The following WWC2 variants were observed in gnomAD, a reference collection of about 807,000 sequenced individuals.
WWC2 encodes protein WWC2.
Under a neutral mutation model 138.5 loss-of-function variants are expected in WWC2, and 101 were observed. The ratio of observed to expected loss-of-function variants is 0.73; its 90% CI spans 0.62 to 0.86. The LOEUF (loss-of-function observed/expected upper bound fraction) is 0.86, where lower values mean the gene tolerates loss of function less well. Ranked by LOEUF, WWC2 falls within the 40% of genes least tolerant of loss-of-function variation. WWC2 has a pLI of 0.00. For synonymous variants in WWC2, 558 were observed against 538.4 expected (o/e 1.04, Z -0.50); for missense variants, 1,420 against 1,419.4 (o/e 1.00, Z -0.01).
At chr4:183,306,472 A>C (rs1739025964) in intron 21 of WWC2, among the ~76,000 whole-genome samples, 1 of 152,238 alleles carries the variant, frequency 6.6e-6, no homozygotes, top group African/African-American at 2.4e-5. Context: ...TATTAATTTC[A>C]GATGGAGCAG....
rs1737053300 is a variant in WWC2, at chr4:183,253,809, G to T, written c.1006G>T (p.Gly336Trp). 2 of 1,613,484 alleles carry T rather than the reference G, an allele frequency of 1.2e-6. No individual in the cohort carries two copies. The highest frequency in any genetic ancestry group is 1.7e-6 in the Non-Finnish European group (2 of 1,179,794). ...AAAATTGGACAGTGAGGCCTGGCCT[G>T]GGGCACTGGATATTGAGAAGGAAAA... ...LSKLDSEAWP[G>W]ALDIEKEKLM... The change falls in exon 9 of 23, where the codon GGG (glycine) becomes TGG (tryptophan). Residue 336 changes from glycine to tryptophan, a missense_variant. By Grantham distance (184) the Gly-to-Trp change is radical. Transcript: ENST00000403733.
chr4:183,226,074 A>ACTTTTCTTTT (rs3040784), intron 4 of WWC2, among the ~76,000 whole-genome samples: 2 of 148,506 alleles, frequency 1.3e-5, no homozygotes. Flanking sequence ...CGTCTGTGAA[A>ACTTTTCTTTT]CTTTTCTTTT....
At chr4:183,198,163 A>C (rs1386894238) in intron 2 of WWC2, among the ~76,000 whole-genome samples, 1 of 152,176 alleles carries the variant, frequency 6.6e-6, no homozygotes, top group Non-Finnish European at 1.5e-5. Flanking sequence ...TGATCACACC[A>C]CTGCACTCCA....
In WWC2 at chr4:183,192,089, G is replaced by A. The variant is rs552224708; in HGVS notation, c.132-1510G>A. Among the ~76,000 whole-genome samples, 45 of 152,298 alleles carry A rather than the reference G, an allele frequency of 3.0e-4. No individual in the cohort carries two copies. In the South Asian group the frequency reaches 8.7e-3, roughly 29 times the overall value. ...GCTGTTTCTGGGAACTATATTCTAA[G>A]AACCACAGTTCTATGCTGTGCTGCC... On this transcript the variant is annotated intron_variant, in intron 1 of 22. Transcript: ENST00000403733.
chr4:183,268,092 A>G (rs1185956225), intron 14 of WWC2, among the ~76,000 whole-genome samples: 3 of 152,208 alleles, frequency 2.0e-5, no homozygotes, highest in Non-Finnish European at 4.4e-5. Context: ...TAATATTGAT[A>G]TGAAATACAA....
intron 21 of WWC2, among the ~76,000 whole-genome samples, chr4:183,296,796 TGGTGGCA>T (rs761087456): frequency 3.6e-4 from 55 of 151,754 alleles, no homozygotes; most frequent in Non-Finnish European, 6.3e-4. Context: ...TAGCGAGGCA[TGGTGGCA>T]GGTGCCTGTA....
chr4:183,118,108 A>G (rs1418963204), intron 1 of WWC2, among the ~76,000 whole-genome samples: 1 of 151,988 alleles, frequency 6.6e-6, no homozygotes, highest in African/African-American at 2.4e-5. Flanking sequence ...GGTTATGGAT[A>G]TTTTTTTTAC....
chr4:183,111,595 T>G (rs965408839), intron 1 of WWC2, among the ~76,000 whole-genome samples: 21 of 152,306 alleles, frequency 1.4e-4, no homozygotes, highest in Middle Eastern at 6.8e-3. Context: ...CTAGGTGTAA[T>G]TTTGGGCTGG....
At chr4:183,269,434 G>A (rs978013459) in intron 15 of WWC2, 13 of 580,058 alleles carry the variant, frequency 2.2e-5, no homozygotes, top group Non-Finnish European at 4.0e-5. Context: ...CTTTACCTTT[G>A]TGACAGCTAT....
intron 2 of WWC2, among the ~76,000 whole-genome samples, chr4:183,206,670 C>T (rs1735455841): frequency 6.6e-6 from 1 of 152,152 alleles, no homozygotes; most frequent in Non-Finnish European, 1.5e-5. Flanking sequence ...CCTCTACTGG[C>T]AAATGGCCAC....
intron 1 of WWC2, among the ~76,000 whole-genome samples, chr4:183,180,890 A>C (rs1417367754): frequency 6.6e-6 from 1 of 152,166 alleles, no homozygotes; most frequent in Non-Finnish European, 1.5e-5. Flanking sequence ...AAACACTGAA[A>C]AAAATTAAGA....
chr4:183,182,507 A>G (rs930741102), intron 1 of WWC2, among the ~76,000 whole-genome samples: 54 of 152,238 alleles, frequency 3.5e-4, no homozygotes, highest in Non-Finnish European at 1.6e-4. Context: ...TTTCAAAACC[A>G]AATAATCTGA....
intron 15 of WWC2, chr4:183,270,147 A>G (rs1317769095): frequency 6.6e-6 from 1 of 152,188 alleles, no homozygotes; most frequent in Non-Finnish European, 1.5e-5. Flanking sequence ...GAGCTAACAG[A>G]CTCGTTAGGC....
chr4:183,269,947 A>G (rs1737647007), intron 15 of WWC2: 2 of 154,222 alleles, frequency 1.3e-5, no homozygotes, highest in South Asian at 2.0e-4. Context: ...GAGATGTGCC[A>G]TGTGTTCAGA....
chr4:183,254,957 T>A (rs1737091206), intron 9 of WWC2, among the ~76,000 whole-genome samples: 1 of 152,158 alleles, frequency 6.6e-6, no homozygotes, highest in South Asian at 2.1e-4. Flanking sequence ...ATCAAAACAT[T>A]TGAAAAGCAG....
intron 1 of WWC2, among the ~76,000 whole-genome samples, chr4:183,105,754 G>T (rs1455373415): frequency 6.6e-6 from 1 of 152,086 alleles, no homozygotes; most frequent in Non-Finnish European, 1.5e-5. Context: ...GCCAGGCGTG[G>T]TGGCGGGTGC....
chr4:183,296,089 G>A (rs373339771), intron 21 of WWC2, among the ~76,000 whole-genome samples: 6 of 152,206 alleles, frequency 3.9e-5, no homozygotes, highest in Admixed American at 1.3e-4. Context: ...GACGGGTGCC[G>A]TCACTTCCTG....
At chr4:183,254,053 C>T in intron 9 of WWC2, 54 bp downstream of exon 9, 1 of 1,577,280 alleles carries the variant, frequency 6.3e-7, no homozygotes, top group Non-Finnish European at 8.6e-7. Flanking sequence ...GGTGTCTTAA[C>T]TGGATACTAT....
chr4:183,208,134 A>T lies in WWC2; in HGVS notation c.423A>T (p.Glu141Asp). The T allele has an allele frequency of 6.2e-7, 1 of 1,613,710 alleles. No homozygotes were observed. The highest frequency in any genetic ancestry group is 8.5e-7 in the Non-Finnish European group (1 of 1,179,686). ...TGCGATTAAATGATGCCTATAAGGAAAAGTCAAGTTCTCACACAAGCTGTA... is the reference window on the plus strand; with the variant it reads ...TGCGATTAAATGATGCCTATAAGGATAAGTCAAGTTCTCACACAAGCTGTA... The part of the protein sequence containing the change: ...EYVRLNDAYK[E>D]KSSSHTSLFS... Residue 141 changes from glutamate to aspartate, a missense_variant, in exon 3 of 23, where the codon GAA becomes GAT. Transcript: ENST00000403733.
Sources: allele counts gnomAD v4.1 joint callset (sites outside exome capture counted in the v4.1 genomes callset), GRCh38; gene constraint gnomAD v4.1.1; transcripts MANE v1.5; gene names NCBI Gene and HGNC (gene_info 2026-07-23, HGNC 2026-07-21).